The following OPRM1 variants were observed in gnomAD, a reference collection of about 807,000 sequenced individuals.
The protein encoded by OPRM1 is mu-type opioid receptor.
OPRM1 carries 27 observed loss-of-function variants against 31.8 expected under a neutral mutation model. The observed-to-expected ratio is 0.85, with a 90% CI of 0.63 to 1.17. The LOEUF (loss-of-function observed/expected upper bound fraction) is 1.17. Ranked by LOEUF, OPRM1 falls within the 50% of genes most tolerant of loss-of-function variation. OPRM1 has a pLI of 0.00. For missense variants in OPRM1, 536 were observed against 511.1 expected, an observed-to-expected ratio of 1.05 and a Z score of -0.47; for synonymous variants, 196 against 189.9, an observed-to-expected ratio of 1.03 and a Z score of -0.26.
At chr6:154,236,579 C>G (rs1326516952) in intron 3 of OPRM1, among the ~76,000 whole-genome samples, 2 of 152,218 alleles carry the variant, frequency 1.3e-5, no homozygotes, top group Non-Finnish European at 2.9e-5. Flanking sequence ...TTTAAAGCTA[C>G]TACTCTGAAA....
chr6:154,117,545 G>A (rs1363160787), intron 3 of OPRM1, among the ~76,000 whole-genome samples: 1 of 152,114 alleles, frequency 6.6e-6, no homozygotes, highest in Non-Finnish European at 1.5e-5. Context: ...CACAGTTGAG[G>A]AACCCAGAGC....
intron 3 of OPRM1, among the ~76,000 whole-genome samples, chr6:154,245,175 G>C (rs115817674): frequency 2.5e-4 from 38 of 152,156 alleles, no homozygotes; most frequent in African/African-American, 9.2e-4. Context: ...ATTCAGGAGG[G>C]GAGAAGAAAA....
upstream of OPRM1, among the ~76,000 whole-genome samples, chr6:154,038,025 A>C (rs1169927764): frequency 6.6e-6 from 1 of 152,194 alleles, no homozygotes; most frequent in African/African-American, 2.4e-5. Flanking sequence ...GTAACATTTT[A>C]TTGTGTAAAT....
At chr6:154,088,979 G>C (rs9479756) in intron 1 of OPRM1, among the ~76,000 whole-genome samples, 1 of 151,966 alleles carries the variant, frequency 6.6e-6, no homozygotes, top group African/African-American at 2.4e-5. Flanking sequence ...TCCTGCTTGT[G>C]CTTTGAGATT....
chr6:154,098,955 G>A (rs1793870737), intron 3 of OPRM1, among the ~76,000 whole-genome samples: 2 of 151,946 alleles, frequency 1.3e-5, no homozygotes, highest in African/African-American at 4.8e-5. Flanking sequence ...TGAGTTTCAC[G>A]TGAATAGGAA....
At chr6:154,087,761 G>A in intron 1 of OPRM1, 1 of 179,404 alleles carries the variant, frequency 5.6e-6, no homozygotes, top group Non-Finnish European at 1.1e-5. Context: ...AACGGGAAAT[G>A]AGTGGTTCCC....
chr6:154,144,748 C>CAA lies in OPRM1; in HGVS notation c.1164+53299_1164+53300dup, dbSNP rs58367883. On this transcript the variant is annotated intron_variant, in intron 3 of 3. Transcript: ENST00000337049. ...GAGCAACAAGAGCGAGACTCTGTCT[C>CAA]AAAAAAAAAAAAAAAAAAAAAAAAG... Among the ~76,000 whole-genome samples the CAA allele has an allele frequency of 7.7e-3, 544 of 70,292 alleles. 10 individuals carry two copies. The highest frequency in any genetic ancestry group is 0.017 in the African/African-American group (331 of 19,154). The allele number at this position is 70,292 out of a possible 152,430, so 46.1% of individuals were successfully genotyped here. A position where few individuals can be genotyped will look rare whatever the true frequency, so the allele number is the denominator to read the frequency against.
intron 3 of OPRM1, among the ~76,000 whole-genome samples, chr6:154,097,187 G>A (rs538144244): frequency 4.6e-5 from 7 of 152,312 alleles, no homozygotes; most frequent in African/African-American, 1.7e-4. Context: ...GGCATGTCCT[G>A]CTAATTCCTT....
At chr6:154,104,902 C>G (rs1341452799) in intron 3 of OPRM1, among the ~76,000 whole-genome samples, 1 of 152,144 alleles carries the variant, frequency 6.6e-6, no homozygotes, top group Non-Finnish European at 1.5e-5. Flanking sequence ...CTTGAGGTCC[C>G]AAAGTAACTT....
chr6:154,175,809 C>T (rs1204896288), intron 3 of OPRM1, among the ~76,000 whole-genome samples: 1 of 152,228 alleles, frequency 6.6e-6, no homozygotes, highest in Non-Finnish European at 1.5e-5. Flanking sequence ...GGAATCCTCC[C>T]AAACTCATTT....
At chr6:154,093,524 T>C (rs955215399) in intron 3 of OPRM1, 4 of 1,581,926 alleles carry the variant, frequency 2.5e-6, no homozygotes, top group Non-Finnish European at 2.6e-6. Flanking sequence ...GTATGGCTAT[T>C]GTACAGCCAG....
intron 1 of OPRM1, among the ~76,000 whole-genome samples, chr6:154,053,204 G>A (rs1782541556): frequency 6.6e-6 from 1 of 152,162 alleles, no homozygotes; most frequent in Admixed American, 6.5e-5. Flanking sequence ...TGCTAGGCTT[G>A]TCACAGTATT....
upstream of OPRM1, among the ~76,000 whole-genome samples, chr6:154,035,334 C>T (rs1415451230): frequency 6.6e-6 from 1 of 151,858 alleles, no homozygotes; most frequent in Non-Finnish European, 1.5e-5. Context: ...TTTTACCATG[C>T]AAATAAAGAG....
chr6:154,177,839 C>T (rs564068285), intron 3 of OPRM1, among the ~76,000 whole-genome samples: 103 of 152,288 alleles, frequency 6.8e-4, no homozygotes, highest in African/African-American at 2.4e-3. Flanking sequence ...CACATGCACA[C>T]ATATGTTTAT....
At chr6:154,071,811 T>C (rs1335909551) in intron 1 of OPRM1, among the ~76,000 whole-genome samples, 1 of 152,266 alleles carries the variant, frequency 6.6e-6, no homozygotes, top group African/African-American at 2.4e-5. Context: ...TACTTAATGT[T>C]AACCAGGAAA....
Position 154,012,482 on chromosome 6 carries a change from C to T in OPRM1, c.-1+1464C>T, listed in dbSNP as rs375962657. ...GCCTTTATGGTGTCATTCTATTTTCCGAGCCCTCTTAGGTATTATCTCTCC... is the reference window on the plus strand; with the variant it reads ...GCCTTTATGGTGTCATTCTATTTTCTGAGCCCTCTTAGGTATTATCTCTCC... On this transcript the variant is annotated intron_variant, in intron 1 of 5. Transcript: ENST00000434900. 3.1e-4 allele frequency among the ~76,000 whole-genome samples: 47 copies of T among 152,124 alleles called. No individual in the cohort carries two copies. In the South Asian group the frequency reaches 8.7e-3, roughly 28 times the overall value.
At chr6:154,060,020 T>C (rs906675318) in intron 1 of OPRM1, among the ~76,000 whole-genome samples, 76 of 152,298 alleles carry the variant, frequency 5.0e-4, no homozygotes, top group Non-Finnish European at 6.6e-4. Context: ...TCCCAATTTA[T>C]TGCCGCAAGG....
intron 1 of OPRM1, among the ~76,000 whole-genome samples, chr6:154,056,726 A>G (rs911490467): frequency 6.6e-6 from 1 of 152,090 alleles, no homozygotes; most frequent in Non-Finnish European, 1.5e-5. Context: ...GTTCAGTGCC[A>G]GTGAGAGGTT....
chr6:154,079,781 C>G (rs1201746665), intron 1 of OPRM1, among the ~76,000 whole-genome samples: 1 of 152,126 alleles, frequency 6.6e-6, no homozygotes, highest in Non-Finnish European at 1.5e-5. Context: ...ATGACCGTAG[C>G]TCACTGCAGC....
Sources: gnomAD v4.1 joint callset for allele counts (sites outside exome capture counted in the v4.1 genomes callset) on GRCh38, gnomAD v4.1.1 for gene constraint, MANE v1.5 for transcripts, NCBI Gene and HGNC (gene_info 2026-07-23, HGNC 2026-07-21) for gene names.